The following TPRG1 variants were observed in gnomAD, a reference collection of about 807,000 sequenced individuals.
TPRG1 encodes the protein tumor protein p63 regulated 1, also known as tumor protein p63-regulated gene 1 protein.
Under a neutral mutation model 29.3 loss-of-function variants are expected in TPRG1, and 29 were observed. The observed-to-expected ratio is 0.99, with a 90% CI of 0.74 to 1.35. The LOEUF (loss-of-function observed/expected upper bound fraction) is 1.35, where lower values mean the gene tolerates loss of function less well. Among genes scored for constraint, TPRG1 ranks in the 40% most tolerant of loss-of-function variants. TPRG1 has a pLI of 0.00. For missense variants in TPRG1, 327 were observed against 335.0 expected (o/e 0.98, Z 0.19); for synonymous variants, 130 against 116.8 (o/e 1.11, Z -0.73).
rs1299796577 is a variant in TPRG1 at position 189,286,069 on chromosome 3, A to G, written c.480-24317A>G. ...AATTTACCTTCAAGCTCACTCTGCT[A>G]GAAACATGCTGGCTTCCTTGGTACT... On this transcript the variant is annotated intron_variant, in intron 4 of 5. Transcript: ENST00000345063. Among the ~76,000 whole-genome samples the G allele has an allele frequency of 2.0e-5, 3 of 152,194 alleles. No homozygotes were observed. In the East Asian group the frequency reaches 5.8e-4, roughly 29 times the overall value.
intron 4 of TPRG1, among the ~76,000 whole-genome samples, chr3:189,270,294 G>A (rs1010726893): frequency 1.3e-5 from 2 of 152,080 alleles, no homozygotes; most frequent in Admixed American, 6.5e-5. Context: ...ATCTCATCCC[G>A]GCATTGAACT....
At chr3:189,141,764 G>A (rs1724597184) in intron 3 of TPRG1, among the ~76,000 whole-genome samples, 1 of 152,208 alleles carries the variant, frequency 6.6e-6, no homozygotes, top group Admixed American at 6.5e-5. Flanking sequence ...GTATTTGTGT[G>A]TGTAGTCTTA....
In TPRG1 at chr3:189,238,889, C is replaced by T. The variant is rs1462261811; in HGVS notation, c.459C>T (p.Phe153=). 12 of 1,612,672 alleles carry T rather than the reference C, an allele frequency of 7.4e-6. No individual in the cohort carries two copies. Among genetic ancestry groups the T allele is most frequent in the Admixed American group, 3.3e-5 (2 of 59,918 alleles). Residue 153 remains phenylalanine, a synonymous_variant, in exon 4 of 6, where the codon TTC becomes TTT. Coordinates refer to ENST00000345063, the MANE Select transcript of TPRG1 (RefSeq NM_198485.4). ...GCATCTGCCTGGGCAAGTTCACCTT[C>T]CCTGGGATGTCCCTGGACAAGTGAG... is the stretch of plus-strand genomic sequence containing the variant. ...VYRICLGKFT[F]PGMSLDKRQG... is the part of the protein sequence containing the mutation.
intron 1 of TPRG1, among the ~76,000 whole-genome samples, chr3:189,110,785 C>A (rs1419324942): frequency 6.6e-6 from 1 of 151,890 alleles, no homozygotes; most frequent in Non-Finnish European, 1.5e-5. Flanking sequence ...TGCAAATGGG[C>A]ATTCATTGTT....
intron 1 of TPRG1, among the ~76,000 whole-genome samples, chr3:189,124,994 C>G (rs1242100662): frequency 6.6e-6 from 1 of 152,186 alleles, no homozygotes; most frequent in Admixed American, 6.5e-5. Flanking sequence ...TTACTTTAAT[C>G]TGTTCTACCT....
intron 4 of TPRG1, among the ~76,000 whole-genome samples, chr3:189,308,556 T>C (rs1377798284): frequency 2.6e-5 from 4 of 152,318 alleles, no homozygotes; most frequent in African/African-American, 9.6e-5. Context: ...GGAAAGAAGG[T>C]TGGCTGAACT....
chr3:189,100,076 A>C (rs1451294679), upstream of TPRG1: 3 of 152,398 alleles, frequency 2.0e-5, no homozygotes, highest in African/African-American at 7.2e-5. Flanking sequence ...AGAAGGAGCC[A>C]AATAAAAAAC....
At chr3:189,025,061 G>T (rs1713585944) in intron 4 of TPRG1, among the ~76,000 whole-genome samples, 1 of 152,188 alleles carries the variant, frequency 6.6e-6, no homozygotes, top group Non-Finnish European at 1.5e-5. Flanking sequence ...CTTCCTAGGG[G>T]TATGTACCAA....
At chr3:189,290,849 G>A (rs767472085) in intron 4 of TPRG1, among the ~76,000 whole-genome samples, 12 of 152,292 alleles carry the variant, frequency 7.9e-5, no homozygotes, top group Middle Eastern at 3.4e-3. Flanking sequence ...AAGATTGTGT[G>A]ACTGAATCCT....
intron 5 of TPRG1, among the ~76,000 whole-genome samples, chr3:189,314,850 TG>T (rs1219817528): frequency 6.6e-6 from 1 of 152,346 alleles, no homozygotes; most frequent in East Asian, 1.9e-4. Context: ...TGTGTGGTGG[TG>T]GCCTATGCCT....
chr3:189,115,590 T>TAC (rs1375558578), intron 1 of TPRG1, among the ~76,000 whole-genome samples: 3 of 152,214 alleles, frequency 2.0e-5, no homozygotes, highest in Non-Finnish European at 4.4e-5. Context: ...ATGGCTCTCT[T>TAC]ACACAATATA....
intron 5 of TPRG1, among the ~76,000 whole-genome samples, chr3:189,166,162 C>A (rs1257189068): frequency 6.6e-6 from 1 of 152,162 alleles, no homozygotes; most frequent in Non-Finnish European, 1.5e-5. Flanking sequence ...TCAGACATTC[C>A]AAGAGAACAG....
intron 3 of TPRG1, among the ~76,000 whole-genome samples, chr3:189,233,285 C>T (rs1008718211): frequency 1.3e-5 from 2 of 151,944 alleles, no homozygotes; most frequent in African/African-American, 4.8e-5. Context: ...AATAATTTGA[C>T]ACAGCTTTAA....
At chr3:189,027,385 C>T (rs1713717065) in intron 4 of TPRG1, among the ~76,000 whole-genome samples, 1 of 152,226 alleles carries the variant, frequency 6.6e-6, no homozygotes, top group African/African-American at 2.4e-5. Flanking sequence ...AAGTTTACAT[C>T]TGGACTAAGT....
chr3:189,045,101 T>C (rs1195083492), intron 4 of TPRG1, among the ~76,000 whole-genome samples: 1 of 152,234 alleles, frequency 6.6e-6, no homozygotes. Flanking sequence ...TATTTAACTG[T>C]GCCCTTCATG....
intron 3 of TPRG1, among the ~76,000 whole-genome samples, chr3:189,220,880 T>G (rs1343510998): frequency 1.3e-5 from 2 of 152,246 alleles, no homozygotes; most frequent in Non-Finnish European, 2.9e-5. Context: ...TCTTTGCTAT[T>G]GTGAAAAGTG....
At chr3:189,152,652 T>A (rs1156612097) in intron 5 of TPRG1, among the ~76,000 whole-genome samples, 5 of 151,478 alleles carry the variant, frequency 3.3e-5, no homozygotes, top group African/African-American at 9.7e-5. Flanking sequence ...CCGCCATTAT[T>A]ATTAAAAAGT....
chr3:189,164,954 C>T (rs1175192969), intron 5 of TPRG1, among the ~76,000 whole-genome samples: 1 of 152,150 alleles, frequency 6.6e-6, no homozygotes, highest in Non-Finnish European at 1.5e-5. Context: ...TTGCTGAACT[C>T]CTTTCCTTCA....
chr3:189,003,444 G>A (rs560030499), intron 2 of TPRG1, among the ~76,000 whole-genome samples: 10 of 152,242 alleles, frequency 6.6e-5, no homozygotes, highest in Admixed American at 4.6e-4. Flanking sequence ...AAAATGTGAC[G>A]TTAGGACTTT....
Sources: gnomAD v4.1 joint callset for allele counts (sites outside exome capture counted in the v4.1 genomes callset) on GRCh38, gnomAD v4.1.1 for gene constraint, MANE v1.5 for transcripts, NCBI Gene and HGNC (gene_info 2026-07-23, HGNC 2026-07-21) for gene names.